The following AKT3 variants were observed in gnomAD, a reference collection of about 807,000 sequenced individuals.
AKT3 encodes the protein RAC-gamma serine/threonine-protein kinase.
Under a neutral mutation model 65.3 loss-of-function variants are expected in AKT3, and 15 were observed. The observed-to-expected ratio is 0.23, with a 90% CI of 0.15 to 0.35. The LOEUF (loss-of-function observed/expected upper bound fraction) is 0.35. Among genes scored for constraint, AKT3 ranks in the 10% least tolerant of loss-of-function variants. AKT3 has a pLI of 1.00. For missense variants in AKT3, 243 were observed against 576.5 expected (o/e 0.42, Z 5.92); for synonymous variants, 206 against 183.8 (o/e 1.12, Z -0.98).
At chr1:243,803,144 AT>A (rs1443415601) in intron 2 of AKT3, among the ~76,000 whole-genome samples, 7 of 152,248 alleles carry the variant, frequency 4.6e-5, no homozygotes, top group Admixed American at 2.0e-4. Context: ...TGTCTCAATA[AT>A]TTTTTTTAAA....
intron 2 of AKT3, among the ~76,000 whole-genome samples, chr1:243,781,132 T>C (rs1690884552): frequency 1.3e-5 from 2 of 152,258 alleles, no homozygotes; most frequent in Middle Eastern, 3.4e-3. Flanking sequence ...GAAAAAATTA[T>C]GTATATATAA....
chr1:243,703,837 C>T (rs781641897), intron 2 of AKT3, among the ~76,000 whole-genome samples: 5 of 151,346 alleles, frequency 3.3e-5, no homozygotes, highest in African/African-American at 4.9e-5. Context: ...AATAAACTAG[C>T]GTAAGTTTTC....
In AKT3 at chr1:243,846,083, A is replaced by G. The variant is rs530916659; in HGVS notation, c.-112-2801T>C. On this transcript the variant is annotated intron_variant, in intron 1 of 13. Coordinates refer to ENST00000673466, the MANE Select transcript of AKT3 (RefSeq NM_005465.7). Reference sequence around the variant, plus strand: ...CATATATAGATGGCATCATAAGTGAAAGACATGATTATACATACATAGTTC... The same window carrying G: ...CATATATAGATGGCATCATAAGTGAGAGACATGATTATACATACATAGTTC... Among the ~76,000 whole-genome samples, 100 of 152,344 alleles carry G rather than the reference A, an allele frequency of 6.6e-4. 2 individuals are homozygous for G. Among genetic ancestry groups the G allele is most frequent in the Non-Finnish European group, 1.1e-3 (78 of 68,034 alleles).
intron 2 of AKT3, among the ~76,000 whole-genome samples, chr1:243,758,352 AC>A (rs1342793493): frequency 6.6e-6 from 1 of 152,238 alleles, no homozygotes; most frequent in Non-Finnish European, 1.5e-5. Flanking sequence ...GAAAATTAAA[AC>A]GATGTGAGGA....
chr1:243,567,487 CTTTTTTTT>C (rs993323556), intron 9 of AKT3, among the ~76,000 whole-genome samples: 1 of 122,320 alleles, frequency 8.2e-6, no homozygotes, highest in South Asian at 2.7e-4. Flanking sequence ...TTGTTTCTTC[CTTTTTTTT>C]TTTTTTTTTT....
chr1:243,719,320 G>GT (rs1439538010), intron 2 of AKT3, among the ~76,000 whole-genome samples: 3 of 152,084 alleles, frequency 2.0e-5, no homozygotes, highest in African/African-American at 4.8e-5. Flanking sequence ...CTAACTTTAA[G>GT]TTTTTTGTAT....
At chr1:243,832,085 A>G (rs1312266305) in intron 2 of AKT3, among the ~76,000 whole-genome samples, 2 of 126,274 alleles carry the variant, frequency 1.6e-5, no homozygotes, top group Admixed American at 9.9e-5. Flanking sequence ...GTTGGAGATC[A>G]GCCTGAGCAA....
chr1:243,591,801 A>G (rs1358811916), intron 8 of AKT3, among the ~76,000 whole-genome samples: 3 of 152,212 alleles, frequency 2.0e-5, no homozygotes, highest in African/African-American at 7.2e-5. Flanking sequence ...ACTGGAGAAG[A>G]AAGTATTAGT....
intron 2 of AKT3, among the ~76,000 whole-genome samples, chr1:243,756,804 A>G (rs570753713): frequency 3.1e-4 from 47 of 152,368 alleles, no homozygotes; most frequent in Non-Finnish European, 6.3e-4. Flanking sequence ...GAGTACCTCT[A>G]CAGTGGAGAA....
intron 2 of AKT3, among the ~76,000 whole-genome samples, chr1:243,732,366 C>T (rs1020204460): frequency 2.0e-5 from 3 of 152,208 alleles, no homozygotes; most frequent in Admixed American, 6.5e-5. Context: ...TTCTCCACTC[C>T]CTTGCTGAGC....
At chr1:243,729,155 A>G (rs1278523315) in intron 2 of AKT3, among the ~76,000 whole-genome samples, 1 of 152,238 alleles carries the variant, frequency 6.6e-6, no homozygotes, top group East Asian at 1.9e-4. Flanking sequence ...CAAGGTGAGA[A>G]TATGAAAGAT....
intron 3 of AKT3, among the ~76,000 whole-genome samples, chr1:243,693,018 ACTAT>A: frequency 6.6e-6 from 1 of 151,682 alleles, no homozygotes; most frequent in African/African-American, 2.4e-5. Flanking sequence ...TGAGTATAAC[ACTAT>A]CTTTTTGAAA....
At chr1:243,520,016 T>A (rs1374362681) in intron 12 of AKT3, among the ~76,000 whole-genome samples, 1 of 152,218 alleles carries the variant, frequency 6.6e-6, no homozygotes, top group Non-Finnish European at 1.5e-5. Flanking sequence ...AGTCCCCTCA[T>A]ATTTACTTTA....
chr1:243,767,496 A>G lies in AKT3; in HGVS notation c.47-71780T>C, dbSNP rs542871789. On this transcript the variant is annotated intron_variant, in intron 2 of 13. Coordinates refer to ENST00000673466, the MANE Select transcript of AKT3 (RefSeq NM_005465.7). ...TTTATAAACATACCTAATATTTATT[A>G]GAATGGATATATAAGCAAATAAAAA... 7.9e-5 allele frequency among the ~76,000 whole-genome samples: 12 copies of G among 152,326 alleles called. No homozygotes were observed. The South Asian group carries it at 1.7e-3, about 21-fold the overall frequency.
At chr1:243,796,337 G>A (rs1197366236) in intron 2 of AKT3, among the ~76,000 whole-genome samples, 1 of 152,170 alleles carries the variant, frequency 6.6e-6, no homozygotes, top group African/African-American at 2.4e-5. Context: ...ACTGACTTAA[G>A]GACTAAATTA....
intron 2 of AKT3, among the ~76,000 whole-genome samples, chr1:243,746,450 C>T (rs1473136650): frequency 2.0e-5 from 3 of 152,128 alleles, no homozygotes; most frequent in African/African-American, 7.2e-5. Flanking sequence ...AAAGTTAGAA[C>T]AAAAACTTTA....
chr1:243,755,222 C>T (rs1689057794), intron 2 of AKT3, among the ~76,000 whole-genome samples: 1 of 148,898 alleles, frequency 6.7e-6, no homozygotes, highest in Non-Finnish European at 1.5e-5. Flanking sequence ...GCGGGCGACA[C>T]CACGCCTGGT....
chr1:243,581,929 T>A (rs1182660138), intron 8 of AKT3, among the ~76,000 whole-genome samples: 1 of 151,798 alleles, frequency 6.6e-6, no homozygotes, highest in African/African-American at 2.4e-5. Context: ...AAAATTCACA[T>A]AAGGAATTTC....
At chr1:243,551,361 T>C (rs1673049130) in intron 11 of AKT3, among the ~76,000 whole-genome samples, 1 of 152,192 alleles carries the variant, frequency 6.6e-6, no homozygotes, top group Non-Finnish European at 1.5e-5. Context: ...ATATAAATAA[T>C]ATCTGCAGCT....
Sources: gnomAD v4.1 joint callset for allele counts (sites outside exome capture counted in the v4.1 genomes callset) on GRCh38, gnomAD v4.1.1 for gene constraint, MANE v1.5 for transcripts, NCBI Gene and HGNC (gene_info 2026-07-23, HGNC 2026-07-21) for gene names.